RBMS3: variants seen among roughly 807,000 people sequenced by gnomAD.
RBMS3 encodes the protein RNA-binding motif, single-stranded-interacting protein 3.
In RBMS3, 27 loss-of-function variants were observed where a neutral mutation model predicts 66.8. The ratio of observed to expected loss-of-function variants is 0.40; its 90% CI spans 0.30 to 0.56. RBMS3 has a LOEUF of 0.56. RBMS3 is among the 20% of genes least tolerant of loss of function. The probability of loss-of-function intolerance (pLI) is 0.40; values close to 1 mark genes in which losing one functional copy is unlikely to be tolerated. For synonymous variants in RBMS3, 188 were observed against 183.0 expected (o/e 1.03, Z -0.22); for missense variants, 513 against 549.5 (o/e 0.93, Z 0.66).
Position 30,008,931 on chromosome 3 carries a change from C to T in RBMS3, c.*5069C>T, listed in dbSNP as rs1253921035. The T allele has an allele frequency of 6.6e-6, 1 of 152,064 alleles. No individual in the cohort carries two copies. The highest frequency in any genetic ancestry group is 1.5e-5 in the Non-Finnish European group (1 of 67,982). 9.4% of individuals were successfully genotyped at this position (152,064 alleles called of 1,614,324 possible). On this transcript the variant is annotated 3_prime_UTR_variant, in exon 15 of 15. Transcript: ENST00000383767. ...TGATGTGAGAGACAAGAGTTCACCCCAGATTAATTTCTTTTATCATTGGCT... is the reference window on the plus strand; with the variant it reads ...TGATGTGAGAGACAAGAGTTCACCCTAGATTAATTTCTTTTATCATTGGCT...
At chr3:29,637,111 G>A (rs933877050) in intron 4 of RBMS3, among the ~76,000 whole-genome samples, 17 of 151,860 alleles carry the variant, frequency 1.1e-4, no homozygotes, top group African/African-American at 3.9e-4. Context: ...GTTTCAGCAG[G>A]AAGCAACACT....
At chr3:29,981,100 T>G (rs1697956015) in intron 12 of RBMS3, among the ~76,000 whole-genome samples, 1 of 152,240 alleles carries the variant, frequency 6.6e-6, no homozygotes, top group Admixed American at 6.5e-5. Context: ...TTGTCCTCTC[T>G]TATTTCCTTG....
At chr3:29,372,144 AG>A (rs1325860644) in intron 1 of RBMS3, among the ~76,000 whole-genome samples, 1 of 152,138 alleles carries the variant, frequency 6.6e-6, no homozygotes, top group Non-Finnish European at 1.5e-5. Context: ...GAAACAGTTA[AG>A]TAAGAAACCC....
chr3:29,444,690 T>C (rs1177157891), intron 2 of RBMS3, among the ~76,000 whole-genome samples: 1 of 151,476 alleles, frequency 6.6e-6, no homozygotes, highest in Non-Finnish European at 1.5e-5. Flanking sequence ...ATTGGAAAAC[T>C]TGAGCAGGAA....
rs1300932606 is a variant in RBMS3 at position 29,415,775 on chromosome 3, A to T, written c.76-18968A>T. Among the ~76,000 whole-genome samples the T allele has an allele frequency of 6.0e-5, 9 of 151,252 alleles. No homozygotes were observed. The South Asian group carries it at 6.3e-4, about 11-fold the overall frequency. ...GCTAAGACTCAGTCATGACAATGAAATTTTTTTTTTAAATGATGTATCCAG... is the reference window on the plus strand; with the variant it reads ...GCTAAGACTCAGTCATGACAATGAATTTTTTTTTTTAAATGATGTATCCAG... On this transcript the variant is annotated intron_variant, in intron 1 of 14. Coordinates refer to ENST00000383767, the MANE Select transcript of RBMS3 (RefSeq NM_001003793.3).
intron 6 of RBMS3, among the ~76,000 whole-genome samples, chr3:29,862,441 A>G (rs1029841082): frequency 1.3e-5 from 2 of 152,202 alleles, no homozygotes; most frequent in African/African-American, 4.8e-5. Context: ...CTCTCCTATG[A>G]TCAGTTTCTA....
intron 1 of RBMS3, among the ~76,000 whole-genome samples, chr3:29,422,246 T>C (rs941172209): frequency 6.6e-6 from 1 of 151,966 alleles, no homozygotes; most frequent in African/African-American, 2.4e-5. Context: ...CTATGAAGAG[T>C]ATACCAATCA....
In RBMS3 at chr3:29,587,168, C is replaced by T; in HGVS notation, c.362C>T (p.Ser121Phe). The T allele has an allele frequency of 6.3e-7, 1 of 1,594,966 alleles. No individual in the cohort carries two copies. Residue 121 changes from serine to phenylalanine, a missense_variant, in exon 4 of 15, where the codon TCT becomes TTT. By Grantham distance (155) the Ser-to-Phe change is radical. Coordinates refer to ENST00000383767, the MANE Select transcript of RBMS3 (RefSeq NM_001003793.3). ...SPAAAQKAVA[S>F]LKANGVQAQM... is the part of the protein sequence containing the mutation. ...GCAGCCGCACAGAAAGCGGTAGCAT[C>T]TCTCAAGGCAAATGGCGTGCAGGCA...
At chr3:29,390,255 G>A (rs1247514819) in intron 1 of RBMS3, among the ~76,000 whole-genome samples, 1 of 151,854 alleles carries the variant, frequency 6.6e-6, no homozygotes, top group Admixed American at 6.6e-5. Context: ...GACATCTTGG[G>A]GATTTCCAAA....
At chr3:29,995,014 A>C (rs1387920984) in intron 14 of RBMS3, among the ~76,000 whole-genome samples, 1 of 151,822 alleles carries the variant, frequency 6.6e-6, no homozygotes, top group Non-Finnish European at 1.5e-5. Flanking sequence ...CAAAGAAGTC[A>C]AAAACTTTGA....
At chr3:29,301,970 A>G (rs1052303012) in intron 1 of RBMS3, among the ~76,000 whole-genome samples, 6 of 151,920 alleles carry the variant, frequency 3.9e-5, no homozygotes, top group Non-Finnish European at 7.4e-5. Context: ...TTTTCACACA[A>G]AGACATATCC....
At chr3:29,952,700 C>G (rs979771324) in intron 12 of RBMS3, among the ~76,000 whole-genome samples, 3 of 151,710 alleles carry the variant, frequency 2.0e-5, no homozygotes, top group African/African-American at 7.3e-5. Flanking sequence ...TTTTGCCACC[C>G]AAGATATTGT....
chr3:29,535,363 G>A (rs1415255943), intron 3 of RBMS3, among the ~76,000 whole-genome samples: 2 of 152,076 alleles, frequency 1.3e-5, no homozygotes, highest in Non-Finnish European at 1.5e-5. Flanking sequence ...TGGCTGGATT[G>A]TAAAATCATT....
intron 4 of RBMS3, among the ~76,000 whole-genome samples, chr3:29,626,331 A>G (rs1271886387): frequency 6.6e-6 from 1 of 152,182 alleles, no homozygotes; most frequent in Non-Finnish European, 1.5e-5. Context: ...TGATAATAAT[A>G]ACAGGAGACT....
At chr3:29,800,305 G>T (rs1329607164) in intron 6 of RBMS3, among the ~76,000 whole-genome samples, 1 of 152,030 alleles carries the variant, frequency 6.6e-6, no homozygotes, top group African/African-American at 2.4e-5. Context: ...AGGAGGGAAG[G>T]GGTGGAGACA....
chr3:29,398,691 A>T (rs961804162), intron 1 of RBMS3, among the ~76,000 whole-genome samples: 1 of 152,168 alleles, frequency 6.6e-6, no homozygotes, highest in Non-Finnish European at 1.5e-5. Flanking sequence ...ATGGCTATGC[A>T]GTGAAATAGT....
At chr3:29,745,105 T>C (rs2054825664) in intron 5 of RBMS3, among the ~76,000 whole-genome samples, 1 of 152,228 alleles carries the variant, frequency 6.6e-6, no homozygotes, top group Non-Finnish European at 1.5e-5. Context: ...ATCTTCATTT[T>C]ATATTTAAAA....
intron 10 of RBMS3, among the ~76,000 whole-genome samples, chr3:29,908,939 C>T (rs867604970): frequency 6.6e-6 from 1 of 151,886 alleles, no homozygotes; most frequent in African/African-American, 2.4e-5. Context: ...AATAAAGAAG[C>T]CTCTGTGAAC....
chr3:29,295,238 A>G (rs1300492762), intron 1 of RBMS3, among the ~76,000 whole-genome samples: 2 of 146,702 alleles, frequency 1.4e-5, no homozygotes, highest in South Asian at 4.2e-4. Context: ...ACTTTTTTTT[A>G]TTGCATTGAG....
Sources: gnomAD v4.1 joint callset for allele counts (sites outside exome capture counted in the v4.1 genomes callset) on GRCh38, gnomAD v4.1.1 for gene constraint, MANE v1.5 for transcripts, NCBI Gene and HGNC (gene_info 2026-07-23, HGNC 2026-07-21) for gene names.